RP1: variants seen among roughly 807,000 people sequenced by gnomAD.
RP1 encodes the protein oxygen-regulated protein 1.
In RP1, 16 loss-of-function variants were observed where a neutral mutation model predicts 14.8. The observed-to-expected ratio is 1.08, with a 90% CI of 0.73 to 1.65. RP1 has a LOEUF of 1.65. RP1 is among the 40% of genes most tolerant of loss of function. The pLI is 0.00. For synonymous variants in RP1, 876 were observed against 883.6 expected (o/e 0.99, Z 0.15); for missense variants, 2,631 against 2,535.0 (o/e 1.04, Z -0.81).
upstream of RP1, among the ~76,000 whole-genome samples, chr8:54,612,300 C>T (rs1214737364): frequency 2.6e-5 from 4 of 152,190 alleles, no homozygotes; most frequent in Admixed American, 1.3e-4. Flanking sequence ...TCTTATTTCT[C>T]ACTCTGGATC....
chr8:54,714,296 C>A (rs767349293), intron 15 of RP1, among the ~76,000 whole-genome samples: 3 of 152,142 alleles, frequency 2.0e-5, no homozygotes, highest in Non-Finnish European at 4.4e-5. Flanking sequence ...GTTTAGGCAC[C>A]AGACAGACTT....
chr8:54,719,832 G>A (rs1368914357), intron 15 of RP1, among the ~76,000 whole-genome samples: 1 of 152,122 alleles, frequency 6.6e-6, no homozygotes, highest in Non-Finnish European at 1.5e-5. Flanking sequence ...ACCCATAGAG[G>A]TGAGCAACTC....
intron 23 of RP1, among the ~76,000 whole-genome samples, chr8:54,775,401 C>T (rs1810008372): frequency 6.6e-6 from 1 of 152,192 alleles, no homozygotes; most frequent in Admixed American, 6.5e-5. Context: ...GATGATACCA[C>T]TTCTGCCTGG....
intron 25 of RP1, among the ~76,000 whole-genome samples, chr8:54,846,652 G>A (rs1811926675): frequency 6.6e-6 from 1 of 152,192 alleles, no homozygotes; most frequent in South Asian, 2.1e-4. Flanking sequence ...CCAGTATAGA[G>A]TTGAATTTAG....
intron 8 of RP1, among the ~76,000 whole-genome samples, chr8:54,674,511 C>CT (rs1807249776): frequency 9.9e-6 from 1 of 101,312 alleles, no homozygotes; most frequent in African/African-American, 4.1e-5. Context: ...GGACACATAC[C>CT]AAAAAAAAAA....
chr8:54,678,606 G>A (rs1312034816), intron 9 of RP1: 2 of 1,281,106 alleles, frequency 1.6e-6, no homozygotes, highest in Non-Finnish European at 2.2e-6. Context: ...ATTGAGAACT[G>A]GGTAACTTAT....
At chr8:54,799,211 ACT>A (rs963258688) in intron 24 of RP1, among the ~76,000 whole-genome samples, 3 of 152,046 alleles carry the variant, frequency 2.0e-5, no homozygotes, top group East Asian at 1.9e-4. Flanking sequence ...TGAACTTAAC[ACT>A]CTATAAATTT....
intron 25 of RP1, among the ~76,000 whole-genome samples, chr8:54,846,205 A>G (rs1046850741): frequency 6.6e-6 from 1 of 152,208 alleles, no homozygotes; most frequent in African/African-American, 2.4e-5. Flanking sequence ...ATTATAAACA[A>G]TTAATTGGCT....
Position 54,695,255 on chromosome 8 carries a change from A to AT in RP1, c.1718-4202dup, listed in dbSNP as rs202107668. Reference sequence around the variant, plus strand: ...TTACTTCTTAAAATCGGGACCCTTAATTTTTTTTTTCTCAGCAGAAATAAC... The same window carrying AT: ...TTACTTCTTAAAATCGGGACCCTTAATTTTTTTTTTTCTCAGCAGAAATAAC... On this transcript the variant is annotated intron_variant, in intron 12 of 22. Transcript: ENST00000636932. Among the ~76,000 whole-genome samples, 10 of 148,842 alleles carry AT rather than the reference A, an allele frequency of 6.7e-5. No individual in the cohort carries two copies. In the South Asian group the frequency reaches 8.7e-4, roughly 13 times the overall value.
intron 25 of RP1, chr8:54,837,776 T>G (rs915019004): frequency 5.4e-6 from 3 of 556,484 alleles, no homozygotes; most frequent in Non-Finnish European, 8.1e-6. Flanking sequence ...ACAGTAAATA[T>G]CTCACACTTC....
chr8:54,694,620 G>A (rs1227675762), intron 12 of RP1, among the ~76,000 whole-genome samples: 1 of 152,176 alleles, frequency 6.6e-6, no homozygotes, highest in African/African-American at 2.4e-5. Context: ...GGTGTTTGTA[G>A]TATTCTCTGA....
chr8:54,767,043 T>TATCCAA (rs1245259672), intron 22 of RP1, among the ~76,000 whole-genome samples: 1 of 152,244 alleles, frequency 6.6e-6, no homozygotes, highest in African/African-American at 2.4e-5. Context: ...TACTGTTTTA[T>TATCCAA]GGCACATCTG....
intron 26 of RP1, among the ~76,000 whole-genome samples, chr8:54,854,204 T>A (rs1812133965): frequency 6.6e-6 from 1 of 152,104 alleles, no homozygotes; most frequent in South Asian, 2.1e-4. Context: ...CCTAAAATAA[T>A]GTTGAAGAAG....
chr8:54,812,391 T>C (rs1315851890), intron 24 of RP1, among the ~76,000 whole-genome samples: 1 of 152,190 alleles, frequency 6.6e-6, no homozygotes, highest in Non-Finnish European at 1.5e-5. Context: ...TCCACCCACC[T>C]CAGTCTCCTA....
intron 25 of RP1, among the ~76,000 whole-genome samples, chr8:54,841,562 G>C (rs1418145557): frequency 6.6e-6 from 1 of 152,174 alleles, no homozygotes; most frequent in African/African-American, 2.4e-5. Context: ...ATCATTCTTT[G>C]GGGGCTGAGC....
intron 17 of RP1, among the ~76,000 whole-genome samples, chr8:54,731,084 C>G (rs921542166): frequency 1.3e-5 from 2 of 152,242 alleles, no homozygotes; most frequent in South Asian, 4.1e-4. Flanking sequence ...TGGCCACACT[C>G]TGATGGTAAT....
chr8:54,601,255 A>C (rs909624497), intron 1 of RP1, among the ~76,000 whole-genome samples: 3 of 152,222 alleles, frequency 2.0e-5, no homozygotes, highest in African/African-American at 7.2e-5. Context: ...CTAAATAAAA[A>C]GAAAACCTAA....
At chr8:54,732,646 A>G (rs1455838120) in intron 17 of RP1, among the ~76,000 whole-genome samples, 4 of 152,176 alleles carry the variant, frequency 2.6e-5, no homozygotes. Context: ...TCTCTCTGGA[A>G]CTCATGGATG....
At chr8:54,857,780 C>G (rs1812241019) in intron 27 of RP1, among the ~76,000 whole-genome samples, 1 of 152,138 alleles carries the variant, frequency 6.6e-6, no homozygotes, top group Admixed American at 6.5e-5. Flanking sequence ...TGAACACCAT[C>G]CCTGATCCGA....
Sources: allele counts gnomAD v4.1 joint callset (sites outside exome capture counted in the v4.1 genomes callset), GRCh38; gene constraint gnomAD v4.1.1; transcripts MANE v1.5; gene names NCBI Gene and HGNC (gene_info 2026-07-23, HGNC 2026-07-21).